KCTD2: variants seen among roughly 807,000 people sequenced by gnomAD.
The protein encoded by KCTD2 is BTB/POZ domain-containing protein KCTD2.
KCTD2 carries 18 observed loss-of-function variants against 27.9 expected under a neutral mutation model. The observed-to-expected ratio is 0.64, with a 90% CI of 0.45 to 0.96. The LOEUF (loss-of-function observed/expected upper bound fraction) is 0.96, where lower values mean the gene tolerates loss of function less well. Among genes scored for constraint, KCTD2 ranks in the 40% least tolerant of loss-of-function variants. The pLI, the probability that KCTD2 is intolerant of heterozygous loss-of-function variation, is 0.00. For missense variants in KCTD2, 280 were observed against 348.0 expected (o/e 0.80, Z 1.56); for synonymous variants, 175 against 148.4 (o/e 1.18, Z -1.30).
At chr17:75,059,451 G>A in intron 3 of KCTD2, 59 bp from the exon 4 acceptor site, 2 of 1,164,304 alleles carry the variant, frequency 1.7e-6, no homozygotes, top group Non-Finnish European at 1.2e-6. Context: ...GCCTCCTTGG[G>A]GCAGCTGCAA....
intron 3 of KCTD2, among the ~76,000 whole-genome samples, chr17:75,038,670 CT>C (rs2073126916): frequency 6.6e-6 from 1 of 152,184 alleles, no homozygotes; most frequent in Non-Finnish European, 1.5e-5. Flanking sequence ...GCCATAGCCC[CT>C]AGTGTTATTT....
upstream of KCTD2, chr17:75,042,242 T>G (rs2073168748): frequency 1.9e-6 from 3 of 1,614,188 alleles, no homozygotes; most frequent in Non-Finnish European, 2.5e-6. Context: ...GTAAGCCCAG[T>G]CGATAGCTGG....
At chr17:75,052,770 T>C (rs2073302502) in intron 2 of KCTD2, among the ~76,000 whole-genome samples, 6 of 152,184 alleles carry the variant, frequency 3.9e-5, no homozygotes, top group Admixed American at 3.3e-4. Context: ...GGTATGTGCC[T>C]GTAGTCCCAG....
At chr17:75,058,913 C>G (rs1008370613) in intron 3 of KCTD2, among the ~76,000 whole-genome samples, 9 of 151,820 alleles carry the variant, frequency 5.9e-5, no homozygotes, top group South Asian at 2.1e-4. Flanking sequence ...CTGGCTAACA[C>G]AGTGAAACCC....
chr17:75,039,996 C>T lies in KCTD2; in HGVS notation c.-259+4639C>T, dbSNP rs776202294. On this transcript the variant is annotated intron_variant, in intron 3 of 7. Coordinates refer to the KCTD2 transcript ENST00000581589. Reference sequence around the variant, plus strand: ...AGTCATTCCTTTATATGGCTGTTAACTCTTCCATTTAATTCACTCTAACTT... The same window carrying T: ...AGTCATTCCTTTATATGGCTGTTAATTCTTCCATTTAATTCACTCTAACTT... 23 of 1,302,102 alleles carry T rather than the reference C, an allele frequency of 1.8e-5. No individual in the cohort carries two copies. In the African/African-American group the frequency reaches 2.7e-4, roughly 15 times the overall value. The allele number at this position is 1,302,102 out of a possible 1,614,324, so 80.7% of individuals were successfully genotyped here.
chr17:75,055,554 C>T (rs1390815070), intron 3 of KCTD2, among the ~76,000 whole-genome samples: 1 of 151,396 alleles, frequency 6.6e-6, no homozygotes, highest in Non-Finnish European at 1.5e-5. Flanking sequence ...TGTCTACTGG[C>T]CGGGCGTGGT....
At chr17:75,035,317 TCCC>T (rs1228280136) in exon 3 of KCTD2, 1 of 152,140 alleles carries the variant, frequency 6.6e-6, no homozygotes, top group African/African-American at 2.4e-5. Context: ...AGGCTTTGCA[TCCC>T]GGGACGCTTC....
chr17:75,065,033 C>T lies in KCTD2; in HGVS notation c.*1986C>T, dbSNP rs1490220513. On this transcript the variant is annotated 3_prime_UTR_variant, in exon 6 of 6. Coordinates refer to ENST00000322444, the MANE Select transcript of KCTD2 (RefSeq NM_015353.3). ...TCCTAGACCAACCCCAGCTTTCTCA[C>T]CAGGTTCAGCAAGGAGGCCTGGGGG... is the stretch of plus-strand genomic sequence containing the variant. 1 of 152,272 alleles carries T rather than the reference C, an allele frequency of 6.6e-6. No homozygotes were observed. Among genetic ancestry groups the T allele is most frequent in the Admixed American group, 6.5e-5 (1 of 15,270 alleles). The allele number at this position is 152,272 out of a possible 1,614,324, so 9.4% of individuals were successfully genotyped here.
intron 3 of KCTD2, among the ~76,000 whole-genome samples, chr17:75,056,777 G>T (rs2073353934): frequency 1.3e-5 from 2 of 151,604 alleles, no homozygotes; most frequent in East Asian, 1.9e-4. Flanking sequence ...TTATTTTTTT[G>T]TGTGTGGATT....
At chr17:75,046,806 G>C (rs2073224491), upstream of KCTD2, 1 of 152,406 alleles carries the variant, frequency 6.6e-6, no homozygotes, top group Non-Finnish European at 1.5e-5. Context: ...CTGCCAGCGG[G>C]GCAAGCCGAG....
chr17:75,054,577 G>A (rs1427411610), intron 3 of KCTD2, among the ~76,000 whole-genome samples: 7 of 152,142 alleles, frequency 4.6e-5, no homozygotes, highest in East Asian at 1.9e-4. Context: ...AGGCCGAGAC[G>A]GGCAGATCAT....
At chr17:75,037,677 C>A (rs1186070709) in intron 3 of KCTD2, among the ~76,000 whole-genome samples, 1 of 152,164 alleles carries the variant, frequency 6.6e-6, no homozygotes, top group African/African-American at 2.4e-5. Flanking sequence ...TTGCTTTAAA[C>A]CATCTCTATT....
At position 75,059,318 on chromosome 17, in the gene KCTD2, A is replaced by G. The variant is rs180733106; in HGVS notation, c.541-192A>G. 3.4e-4 allele frequency: 137 copies of G among 404,176 alleles called. 1 individual carries two copies. In the East Asian group the frequency reaches 4.0e-3, roughly 12 times the overall value. The allele number at this position is 404,176 out of a possible 1,614,324, so 25.0% of individuals were successfully genotyped here. ...GGCTTGTGGTCACTTAAAAAGAAAA[A>G]CATTTTTTAAAGAGAAGGGAAAAAA... On this transcript the variant is annotated intron_variant, in intron 3 of 5. Coordinates refer to ENST00000322444, the MANE Select transcript of KCTD2 (RefSeq NM_015353.3).
At chr17:75,052,360 C>A (rs530278775) in intron 2 of KCTD2, among the ~76,000 whole-genome samples, 1 of 152,288 alleles carries the variant, frequency 6.6e-6, no homozygotes, top group East Asian at 1.9e-4. Context: ...CCAAGGTGGG[C>A]GGATCACTTG....
chr17:75,038,822 G>A (rs1249363373), intron 3 of KCTD2: 1 of 1,295,998 alleles, frequency 7.7e-7, no homozygotes, highest in African/African-American at 1.5e-5. Flanking sequence ...CAGAAGAGAG[G>A]CTTAATTATC....
chr17:75,047,619 G>A, intron 1 of KCTD2, 30 bp downstream of exon 1: 1 of 1,588,658 alleles, frequency 6.3e-7, no homozygotes. Flanking sequence ...GCGCCCCCGG[G>A]CCTTCGAACC....
At chr17:75,050,286 C>CT (rs932639261) in intron 2 of KCTD2, among the ~76,000 whole-genome samples, 2 of 149,478 alleles carry the variant, frequency 1.3e-5, no homozygotes, top group Admixed American at 6.7e-5. Context: ...TGAGATTTTT[C>CT]TTTTTTTTTT....
At chr17:75,035,158 A>G (rs924346379) in intron 2 of KCTD2, 1 of 151,998 alleles carries the variant, frequency 6.6e-6, no homozygotes, top group African/African-American at 2.4e-5. Flanking sequence ...GGATCAGAAG[A>G]TTGAGGGTTC....
chr17:75,033,913 T>A (rs1385916536), intron 1 of KCTD2: 1 of 152,290 alleles, frequency 6.6e-6, no homozygotes, highest in Non-Finnish European at 1.5e-5. Context: ...CAAGCCCCAG[T>A]GGCCTAATGG....
Sources: gnomAD v4.1 joint callset for allele counts (sites outside exome capture counted in the v4.1 genomes callset) on GRCh38, gnomAD v4.1.1 for gene constraint, MANE v1.5 for transcripts, NCBI Gene and HGNC (gene_info 2026-07-23, HGNC 2026-07-21) for gene names.